The following ADD2 variants were observed in gnomAD, a reference collection of about 807,000 sequenced individuals.
ADD2 encodes beta-adducin.
ADD2 carries 23 observed loss-of-function variants against 83.0 expected under a neutral mutation model. The ratio of observed to expected loss-of-function variants is 0.28; its 90% CI spans 0.20 to 0.39. The LOEUF is 0.39. Among genes scored for constraint, ADD2 ranks in the 10% least tolerant of loss-of-function variants. The pLI, the probability that ADD2 is intolerant of heterozygous loss-of-function variation, is 1.00. For missense variants in ADD2, 758 were observed against 944.9 expected (o/e 0.80, Z 2.59); for synonymous variants, 375 against 375.4 (o/e 1.00, Z 0.01).
At chr2:70,710,170 C>A (rs1553375236) in intron 2 of ADD2, among the ~76,000 whole-genome samples, 1 of 152,244 alleles carries the variant, frequency 6.6e-6, no homozygotes, top group East Asian at 1.9e-4. Flanking sequence ...TGGATGTGAG[C>A]ATAGGCATGT....
chr2:70,735,604 C>G (rs572022370), intron 1 of ADD2, among the ~76,000 whole-genome samples: 48 of 152,160 alleles, frequency 3.2e-4, no homozygotes, highest in African/African-American at 1.2e-3. Flanking sequence ...TCCTAACAAA[C>G]TCAGTGTCAT....
chr2:70,695,092 G>A (rs1050203105), intron 6 of ADD2, among the ~76,000 whole-genome samples: 24 of 152,054 alleles, frequency 1.6e-4, no homozygotes, highest in African/African-American at 3.6e-4. Context: ...GTGAGTAGCC[G>A]CGCTCTACAC....
intron 4 of ADD2, 58 bp downstream of exon 4, chr2:70,704,263 T>TGCCCCCCCCCCCCCCC: frequency 6.7e-5 from 61 of 913,214 alleles, no homozygotes; most frequent in East Asian, 8.8e-5. Context: ...CTCCCTCTCT[T>TGCCCCCCCCCCCCCCC]CCCCACCCCA....
In ADD2 at chr2:70,663,395, A is replaced by G. The variant is rs1675613928; in HGVS notation, c.*30T>C. ...AGAAGGGAAGGGGAGGAGAGAGAGG[A>G]GGCAGGAGGGAGCCCAAGGGTGTCA... On this transcript the variant is annotated 3_prime_UTR_variant, in exon 16 of 16. Coordinates refer to ENST00000264436, the MANE Select transcript of ADD2 (RefSeq NM_001617.4). 8 of 1,583,440 alleles carry G rather than the reference A, an allele frequency of 5.1e-6. No homozygotes were observed. Among genetic ancestry groups the G allele is most frequent in the Non-Finnish European group, 6.9e-6 (8 of 1,160,666 alleles).
chr2:70,751,896 C>T (rs1460212591), intron 1 of ADD2, among the ~76,000 whole-genome samples: 1 of 152,134 alleles, frequency 6.6e-6, no homozygotes, highest in Non-Finnish European at 1.5e-5. Context: ...AAGATATCTC[C>T]CCAGTTCCAG....
At chr2:70,664,691 G>A (rs1201597268) in intron 15 of ADD2, among the ~76,000 whole-genome samples, 3 of 152,168 alleles carry the variant, frequency 2.0e-5, no homozygotes, top group Non-Finnish European at 4.4e-5. Context: ...AAAGGAGTGT[G>A]TGTGGGTGAG....
intron 14 of ADD2, chr2:70,673,223 T>A: frequency 6.2e-7 from 1 of 1,613,552 alleles, no homozygotes; most frequent in Admixed American, 1.7e-5. Flanking sequence ...CATGTTTCCT[T>A]CATCAAAACA....
intron 9 of ADD2, among the ~76,000 whole-genome samples, chr2:70,686,711 G>T (rs1283044427): frequency 6.6e-6 from 1 of 152,150 alleles, no homozygotes; most frequent in African/African-American, 2.4e-5. Context: ...CCAGTCAGTG[G>T]TCAGAGCTTA....
chr2:70,726,049 T>C (rs1471997282), intron 1 of ADD2, among the ~76,000 whole-genome samples: 1 of 151,216 alleles, frequency 6.6e-6, no homozygotes, highest in Non-Finnish European at 1.5e-5. Context: ...TAGCCGGGCG[T>C]AGTGGCAGGC....
chr2:70,682,154 G>A (rs2104270594), intron 10 of ADD2, among the ~76,000 whole-genome samples: 1 of 152,216 alleles, frequency 6.6e-6, no homozygotes, highest in East Asian at 1.9e-4. Flanking sequence ...TTTACTATTA[G>A]GCTTGATACT....
chr2:70,756,898 G>A (rs535525210), intron 1 of ADD2, among the ~76,000 whole-genome samples: 63 of 151,984 alleles, frequency 4.1e-4, no homozygotes, highest in African/African-American at 1.5e-3. Flanking sequence ...GTGTGATCTC[G>A]GCTCACTGCA....
At chr2:70,690,671 C>T (rs1670979136) in intron 8 of ADD2, 115 bp downstream of exon 8, 1 of 1,236,460 alleles carries the variant, frequency 8.1e-7, no homozygotes, top group Non-Finnish European at 1.1e-6. Context: ...AGAGATCTTT[C>T]TTTTTTTTCC....
At chr2:70,696,439 C>T (rs1671319268) in intron 4 of ADD2, 43 bp from the exon 5 acceptor site, 3 of 1,609,888 alleles carry the variant, frequency 1.9e-6, no homozygotes, top group Admixed American at 1.7e-5. Context: ...GGCCCATCTG[C>T]CCTCCCCTTC....
At chr2:70,745,628 C>A (rs6716568) in intron 1 of ADD2, among the ~76,000 whole-genome samples, 1 of 152,154 alleles carries the variant, frequency 6.6e-6, no homozygotes, top group Non-Finnish European at 1.5e-5. Context: ...CAGACTATAG[C>A]CTCACCAAAA....
intron 1 of ADD2, among the ~76,000 whole-genome samples, chr2:70,727,448 G>C (rs971110407): frequency 3.3e-5 from 5 of 151,868 alleles, no homozygotes; most frequent in Admixed American, 2.6e-4. Context: ...CCACTAAACT[G>C]CCTTCTTTTC....
Position 70,690,789 on chromosome 2 carries a change from G to A in ADD2, c.846C>T (p.Cys282=), listed in dbSNP as rs917748372. 1 of 1,611,752 alleles carries A rather than the reference G, an allele frequency of 6.2e-7. No individual in the cohort carries two copies. Among genetic ancestry groups the A allele is most frequent in the Non-Finnish European group, 8.5e-7 (1 of 1,179,226 alleles). ...INLQKCLGPT[C]KILVLRNHGV... ...GTCCCAGAAGAGCTAAGCTAACCTT[G>A]CAGGTGGGTCCAAGGCACTTCTGCA... is the stretch of plus-strand genomic sequence containing the variant. Residue 282 remains cysteine (C), a synonymous_variant, in exon 8 of 16, where the codon TGC becomes TGT. Coordinates refer to ENST00000264436, the MANE Select transcript of ADD2 (RefSeq NM_001617.4).
At chr2:70,759,342 A>C (rs1426497048) in intron 1 of ADD2, among the ~76,000 whole-genome samples, 7 of 152,140 alleles carry the variant, frequency 4.6e-5, no homozygotes, top group Admixed American at 4.6e-4. Context: ...CTTTATTTTT[A>C]GCTGCATCTG....
chr2:70,736,604 T>C (rs1673575247), intron 1 of ADD2, among the ~76,000 whole-genome samples: 1 of 152,240 alleles, frequency 6.6e-6, no homozygotes, highest in Admixed American at 6.5e-5. Context: ...GACACAGTGC[T>C]TTGTACTGAG....
chr2:70,671,225 C>T (rs1385356354), intron 15 of ADD2, among the ~76,000 whole-genome samples: 1 of 152,142 alleles, frequency 6.6e-6, no homozygotes, highest in Non-Finnish European at 1.5e-5. Flanking sequence ...TAGGAGTGAG[C>T]GCCTGAGAGC....
Sources: gnomAD v4.1 joint callset for allele counts (sites outside exome capture counted in the v4.1 genomes callset) on GRCh38, gnomAD v4.1.1 for gene constraint, MANE v1.5 for transcripts, NCBI Gene and HGNC (gene_info 2026-07-23, HGNC 2026-07-21) for gene names.